KCNIP4: variants seen among roughly 807,000 people sequenced by gnomAD.
The protein encoded by KCNIP4 is Kv channel-interacting protein 4.
Under a neutral mutation model 34.0 loss-of-function variants are expected in KCNIP4, and 12 were observed. That is an observed-to-expected ratio of 0.35 (90% CI 0.23 to 0.57). The LOEUF is 0.57. Among genes scored for constraint, KCNIP4 ranks in the 20% least tolerant of loss-of-function variants. The pLI is 0.83. For missense variants in KCNIP4, 238 were observed against 311.7 expected, an observed-to-expected ratio of 0.76 and a Z score of 1.78; for synonymous variants, 124 against 102.2, an observed-to-expected ratio of 1.21 and a Z score of -1.29.
chr4:21,336,137 A>T (rs993056430), intron 1 of KCNIP4, among the ~76,000 whole-genome samples: 1 of 152,124 alleles, frequency 6.6e-6, no homozygotes, highest in Non-Finnish European at 1.5e-5. Context: ...ACTCAATATC[A>T]TGTTTGGTGA....
rs7686752 is a variant in KCNIP4, at chr4:20,735,321, G to A, written c.430-586C>T. On this transcript the variant is annotated intron_variant, in intron 5 of 8. Coordinates refer to ENST00000382152, the MANE Select transcript of KCNIP4 (RefSeq NM_025221.6). ...TTAACATCCCTTTGCCTCAATTTTCGTATCTGTAAAATGGAGCTAATAATA... is the reference window on the plus strand; with the variant it reads ...TTAACATCCCTTTGCCTCAATTTTCATATCTGTAAAATGGAGCTAATAATA... Among the ~76,000 whole-genome samples, 600 of 152,050 alleles carry A rather than the reference G, an allele frequency of 3.9e-3. 4 individuals are homozygous for A. Among genetic ancestry groups the A allele is most frequent in the African/African-American group, 0.013 (523 of 41,484 alleles).
intron 1 of KCNIP4, among the ~76,000 whole-genome samples, chr4:21,338,728 A>T: frequency 6.6e-6 from 1 of 152,016 alleles, no homozygotes; most frequent in Middle Eastern, 3.5e-3. Flanking sequence ...ATAATGTTAT[A>T]TATATAAATA....
At chr4:20,992,457 G>T (rs1020466448) in intron 1 of KCNIP4, among the ~76,000 whole-genome samples, 1 of 152,160 alleles carries the variant, frequency 6.6e-6, no homozygotes, top group African/African-American at 2.4e-5. Flanking sequence ...TACAATTCAA[G>T]ATGAGATTTT....
At chr4:21,351,569 A>C (rs1186079624) in intron 1 of KCNIP4, among the ~76,000 whole-genome samples, 2 of 152,156 alleles carry the variant, frequency 1.3e-5, no homozygotes, top group Non-Finnish European at 2.9e-5. Flanking sequence ...GAACATACTA[A>C]TACAGTTTCC....
At chr4:21,259,221 C>G (rs546045252) in intron 1 of KCNIP4, among the ~76,000 whole-genome samples, 1 of 152,324 alleles carries the variant, frequency 6.6e-6, no homozygotes, top group African/African-American at 2.4e-5. Context: ...CTTTCCCACT[C>G]CTACCTCATT....
At chr4:21,295,131 A>G (rs1763762956) in intron 1 of KCNIP4, among the ~76,000 whole-genome samples, 1 of 152,206 alleles carries the variant, frequency 6.6e-6, no homozygotes, top group Non-Finnish European at 1.5e-5. Context: ...TGGTAAGAAG[A>G]AATGAAGACT....
chr4:21,542,582 T>G (rs1737798527), intron 1 of KCNIP4, among the ~76,000 whole-genome samples: 1 of 151,562 alleles, frequency 6.6e-6, no homozygotes, highest in African/African-American at 2.4e-5. Flanking sequence ...GTGGTAGAAT[T>G]TAGATTAAAG....
chr4:20,819,731 T>C (rs1240239673), intron 3 of KCNIP4, among the ~76,000 whole-genome samples: 1 of 152,190 alleles, frequency 6.6e-6, no homozygotes, highest in Non-Finnish European at 1.5e-5. Flanking sequence ...TGCTGTTACA[T>C]GAGAGGTTGA....
intron 1 of KCNIP4, among the ~76,000 whole-genome samples, chr4:21,109,766 A>G (rs1280994047): frequency 2.6e-5 from 4 of 152,082 alleles, no homozygotes; most frequent in Non-Finnish European, 5.9e-5. Context: ...TATATGGAGC[A>G]TTTTGAAATA....
intron 1 of KCNIP4, among the ~76,000 whole-genome samples, chr4:21,075,075 G>C (rs1197230689): frequency 1.3e-5 from 2 of 152,168 alleles, no homozygotes; most frequent in Non-Finnish European, 2.9e-5. Flanking sequence ...GTCAATTTTG[G>C]AATAAGTGTG....
At chr4:21,201,789 C>T (rs1310918363) in intron 1 of KCNIP4, among the ~76,000 whole-genome samples, 2 of 152,254 alleles carry the variant, frequency 1.3e-5, no homozygotes. Flanking sequence ...TGAGCCACCA[C>T]ACCCGGCCCA....
chr4:21,717,295 G>A lies in KCNIP4; in HGVS notation c.61+231276C>T, dbSNP rs115415854. Among the ~76,000 whole-genome samples, 633 of 152,150 alleles carry A rather than the reference G, an allele frequency of 4.2e-3. 5 individuals are homozygous for A. Among genetic ancestry groups the A allele is most frequent in the African/African-American group, 0.015 (610 of 41,518 alleles). The stretch of plus-strand genomic sequence containing the variant: ...TAGAGAACCACTCTACTAAGTCTAC[G>A]AACTTGACTAATGAGAGTGCCATGG... On this transcript the variant is annotated intron_variant, in intron 1 of 8. Coordinates refer to ENST00000382152, the MANE Select transcript of KCNIP4 (RefSeq NM_025221.6).
chr4:20,943,367 A>C (rs968600342), intron 1 of KCNIP4, among the ~76,000 whole-genome samples: 1 of 152,228 alleles, frequency 6.6e-6, no homozygotes, highest in Non-Finnish European at 1.5e-5. Context: ...ATGAAGGTTG[A>C]GCATCTATTA....
intron 1 of KCNIP4, among the ~76,000 whole-genome samples, chr4:21,228,995 C>T (rs1316592474): frequency 3.9e-5 from 6 of 152,142 alleles, no homozygotes; most frequent in Non-Finnish European, 8.8e-5. Flanking sequence ...TGATCTAATT[C>T]TCACCTAAAT....
chr4:21,864,817 A>T (rs10013811), intron 1 of KCNIP4, among the ~76,000 whole-genome samples: 18,564 of 152,152 alleles, frequency 0.12, 3,760 homozygotes, highest in African/African-American at 0.42. Flanking sequence ...TGACAAAAGC[A>T]ATTTTAATTA....
chr4:21,015,502 A>C (rs1047384772), intron 1 of KCNIP4, among the ~76,000 whole-genome samples: 1 of 125,584 alleles, frequency 8.0e-6, no homozygotes, highest in Non-Finnish European at 1.6e-5. Context: ...CACATTATAG[A>C]TAGCACAGAT....
chr4:21,096,787 A>C (rs1403981711), intron 1 of KCNIP4, among the ~76,000 whole-genome samples: 2 of 152,170 alleles, frequency 1.3e-5, no homozygotes, highest in Admixed American at 6.6e-5. Context: ...CCAAATGTTT[A>C]ATAAAGCCTC....
At position 21,545,591 on chromosome 4, in the gene KCNIP4, G is replaced by A. The variant is rs182317809; in HGVS notation, c.61+402980C>T. 4.4e-3 allele frequency among the ~76,000 whole-genome samples: 663 copies of A among 152,208 alleles called. 1 individual carries two copies. The highest frequency in any genetic ancestry group is 6.2e-3 in the Non-Finnish European group (425 of 68,018). On this transcript the variant is annotated intron_variant, in intron 1 of 8. Transcript: ENST00000382152. Reference sequence around the variant, plus strand: ...GATATTCCCCTCCCTGTGTCCATGTGTTCTCATTGTTCAACTCCCACTTAT... The same window carrying A: ...GATATTCCCCTCCCTGTGTCCATGTATTCTCATTGTTCAACTCCCACTTAT...
chr4:20,839,102 A>T (rs1000209556), intron 3 of KCNIP4, among the ~76,000 whole-genome samples: 1 of 152,146 alleles, frequency 6.6e-6, no homozygotes, highest in Non-Finnish European at 1.5e-5. Flanking sequence ...GTCCTCTGAC[A>T]ACTCTTTGTA....
Sources: gnomAD v4.1 joint callset for allele counts (sites outside exome capture counted in the v4.1 genomes callset) on GRCh38, gnomAD v4.1.1 for gene constraint, MANE v1.5 for transcripts, NCBI Gene and HGNC (gene_info 2026-07-23, HGNC 2026-07-21) for gene names.